The following ZSCAN5A variants were observed in gnomAD, a reference collection of about 807,000 sequenced individuals.
ZSCAN5A encodes zinc finger and SCAN domain containing 5A.
ZSCAN5A carries 12 observed loss-of-function variants against 23.7 expected under a neutral mutation model. That is an observed-to-expected ratio of 0.51 (90% CI 0.32 to 0.82). The LOEUF (loss-of-function observed/expected upper bound fraction) is 0.82. Ranked by LOEUF, ZSCAN5A falls within the 40% of genes least tolerant of loss-of-function variation. The pLI is 0.03. For synonymous variants in ZSCAN5A, 257 were observed against 239.9 expected (o/e 1.07, Z -0.66); for missense variants, 597 against 617.9 (o/e 0.97, Z 0.36).
chr19:56,331,971 T>C (rs934507907), intron 2 of ZSCAN5A, among the ~76,000 whole-genome samples: 41 of 152,114 alleles, frequency 2.7e-4, no homozygotes, highest in African/African-American at 9.7e-4. Flanking sequence ...TTAATTTCCA[T>C]GTTATTGTGT....
At chr19:56,320,597 A>G in intron 2 of ZSCAN5A, 1 of 592,086 alleles carries the variant, frequency 1.7e-6, no homozygotes, top group Non-Finnish European at 3.1e-6. Context: ...GGGTGACAAG[A>G]GCGAAATTCT....
chr19:56,235,730 G>A (rs1349113828), intron 2 of ZSCAN5A, among the ~76,000 whole-genome samples: 1 of 10,960 alleles, frequency 9.1e-5, no homozygotes, highest in African/African-American at 6.3e-4. Flanking sequence ...CTGATGGATG[G>A]TGGGCCAAGC....
chr19:56,284,397 G>C (rs1469397279), intron 2 of ZSCAN5A, among the ~76,000 whole-genome samples: 1 of 151,984 alleles, frequency 6.6e-6, no homozygotes, highest in Admixed American at 6.6e-5. Flanking sequence ...CTCATGCTTG[G>C]GTGATGGGAG....
chr19:56,224,507 T>C, intron 3 of ZSCAN5A, 156 bp downstream of exon 3: 1 of 1,063,442 alleles, frequency 9.4e-7, no homozygotes, highest in Non-Finnish European at 1.4e-6. Context: ...ACAAAAACTG[T>C]CCCCAGACAC....
chr19:56,321,054 A>G (rs2041370226), intron 2 of ZSCAN5A: 2 of 706,362 alleles, frequency 2.8e-6, no homozygotes, highest in East Asian at 2.8e-5. Flanking sequence ...CATGGACAAC[A>G]TGATTTCAGG....
intron 2 of ZSCAN5A, among the ~76,000 whole-genome samples, chr19:56,361,973 C>G (rs190241051): frequency 6.6e-6 from 1 of 151,264 alleles, no homozygotes; most frequent in African/African-American, 2.4e-5. Flanking sequence ...CTGGCTAACA[C>G]GGTGAAACCC....
intron 2 of ZSCAN5A, among the ~76,000 whole-genome samples, chr19:56,280,061 G>A (rs954638470): frequency 5.9e-5 from 9 of 151,990 alleles, no homozygotes; most frequent in African/African-American, 1.5e-4. Flanking sequence ...TCCCTTCCCC[G>A]AAAGAATCTG....
intron 2 of ZSCAN5A, among the ~76,000 whole-genome samples, chr19:56,237,174 T>G (rs1468455069): frequency 6.6e-6 from 1 of 152,236 alleles, no homozygotes; most frequent in Admixed American, 6.5e-5. Context: ...TTTTTTTGTG[T>G]TTTTGTCTTT....
intron 2 of ZSCAN5A, among the ~76,000 whole-genome samples, chr19:56,323,224 G>A (rs976543857): frequency 3.3e-5 from 5 of 151,800 alleles, no homozygotes; most frequent in South Asian, 2.1e-4. Flanking sequence ...TTTGGAGACC[G>A]GCTTCTTGCT....
chr19:56,252,752 G>C (rs1480040537), intron 2 of ZSCAN5A, among the ~76,000 whole-genome samples: 1 of 152,218 alleles, frequency 6.6e-6, no homozygotes, highest in Non-Finnish European at 1.5e-5. Flanking sequence ...CCTCTGGTTG[G>C]GCAAGGGTGG....
At chr19:56,336,811 C>G (rs890617388) in intron 2 of ZSCAN5A, among the ~76,000 whole-genome samples, 5 of 152,178 alleles carry the variant, frequency 3.3e-5, no homozygotes, top group Non-Finnish European at 7.3e-5. Context: ...CAGTCAGGAC[C>G]CTCAGCTGCA....
chr19:56,302,584 T>TC, intron 2 of ZSCAN5A, among the ~76,000 whole-genome samples: 4 of 37,202 alleles, frequency 1.1e-4, no homozygotes, highest in South Asian at 2.5e-3. Flanking sequence ...TTCCTCCCCC[T>TC]TTTCTTCCTC....
intron 2 of ZSCAN5A, chr19:56,263,080 G>C (rs530258510): frequency 6.6e-6 from 1 of 152,204 alleles, no homozygotes; most frequent in Non-Finnish European, 1.5e-5. Context: ...ATGATGCCTT[G>C]GGACTAGGCA....
chr19:56,272,366 C>T (rs1293748308), intron 2 of ZSCAN5A, among the ~76,000 whole-genome samples: 1 of 152,340 alleles, frequency 6.6e-6, no homozygotes, highest in East Asian at 1.9e-4. Context: ...CTCAGTCTTG[C>T]AGCCTGAAAG....
intron 1 of ZSCAN5A, among the ~76,000 whole-genome samples, chr19:56,364,773 T>C (rs1307204063): frequency 6.6e-6 from 1 of 152,182 alleles, no homozygotes; most frequent in Non-Finnish European, 1.5e-5. Context: ...CACATATGAA[T>C]TGCTAACATT....
intron 2 of ZSCAN5A, among the ~76,000 whole-genome samples, chr19:56,259,407 C>T (rs752211024): frequency 2.0e-5 from 3 of 152,114 alleles, no homozygotes; most frequent in East Asian, 1.9e-4. Flanking sequence ...CCTGGACCCT[C>T]GTACGATTTC....
intron 2 of ZSCAN5A, among the ~76,000 whole-genome samples, chr19:56,269,988 G>A (rs1489457695): frequency 1.3e-5 from 2 of 152,088 alleles, no homozygotes; most frequent in Non-Finnish European, 2.9e-5. Context: ...TAGTGTGGTG[G>A]GGCAGGGATT....
rs187074757 is a variant in ZSCAN5A at position 56,290,066 on chromosome 19, C to T, written c.-128+23217G>A. Among the ~76,000 whole-genome samples the T allele has an allele frequency of 1.5e-3, 229 of 152,308 alleles. 4 individuals are homozygous for T. The South Asian group carries it at 0.034, about 22-fold the overall frequency. On this transcript the variant is annotated intron_variant, in intron 2 of 5. Transcript: ENST00000683990. Reference sequence around the variant, plus strand: ...GAACCCAAGTTATAAAGAGTGGTTTCCCCAAACTGGCTAATTATCTGAAAC... The same window carrying T: ...GAACCCAAGTTATAAAGAGTGGTTTTCCCAAACTGGCTAATTATCTGAAAC...
intron 2 of ZSCAN5A, among the ~76,000 whole-genome samples, chr19:56,270,852 C>T (rs1375256202): frequency 1.3e-5 from 2 of 152,102 alleles, no homozygotes; most frequent in Non-Finnish European, 2.9e-5. Flanking sequence ...AGACAGCCCC[C>T]ACCACAAAAA....
Sources: gnomAD v4.1 joint callset for allele counts (sites outside exome capture counted in the v4.1 genomes callset) on GRCh38, gnomAD v4.1.1 for gene constraint, MANE v1.5 for transcripts, NCBI Gene and HGNC (gene_info 2026-07-23, HGNC 2026-07-21) for gene names.